Variants in LRRC27 observed in about 807,000 individuals in gnomAD.
The protein encoded by LRRC27 is leucine rich repeat containing 27.
Under a neutral mutation model 55.0 loss-of-function variants are expected in LRRC27, and 57 were observed. That is an observed-to-expected ratio of 1.04 (90% CI 0.84 to 1.29). The LOEUF is 1.29. LRRC27 is among the 50% of genes most tolerant of loss of function. The pLI is 0.00. For synonymous variants in LRRC27, 278 were observed against 251.9 expected (o/e 1.10, Z -0.98); for missense variants, 721 against 651.5 (o/e 1.11, Z -1.16).
intron 2 of LRRC27, among the ~76,000 whole-genome samples, chr10:132,335,612 G>C (rs1350299715): frequency 1.3e-5 from 2 of 151,780 alleles, no homozygotes; most frequent in Non-Finnish European, 2.9e-5. Flanking sequence ...TCGTCTATTG[G>C]TTGTTGGGTA....
intron 10 of LRRC27, among the ~76,000 whole-genome samples, chr10:132,365,919 A>ACTGTG (rs1345208903): frequency 6.6e-6 from 1 of 152,236 alleles, no homozygotes; most frequent in African/African-American, 2.4e-5. Flanking sequence ...AAGAGAACTC[A>ACTGTG]CTGTGCCTCT....
upstream of LRRC27, chr10:132,331,954 G>A: frequency 1.9e-6 from 1 of 514,226 alleles, no homozygotes; most frequent in East Asian, 3.7e-5. Flanking sequence ...CCCCAGCGCA[G>A]GCGCACCACA....
At chr10:132,368,049 C>G (rs767057429) in intron 10 of LRRC27, among the ~76,000 whole-genome samples, 6 of 152,182 alleles carry the variant, frequency 3.9e-5, no homozygotes, top group Non-Finnish European at 8.8e-5. Context: ...CAGTCACCTT[C>G]CTGTGTACCA....
intron 2 of LRRC27, chr10:132,337,070 A>G (rs911651787): frequency 1.5e-6 from 2 of 1,295,510 alleles, no homozygotes; most frequent in East Asian, 3.6e-5. Flanking sequence ...GATCGTAGAG[A>G]ACACCACGGC....
intron 7 of LRRC27, chr10:132,353,148 G>A (rs575929283): frequency 1.2e-4 from 169 of 1,437,724 alleles, no homozygotes; most frequent in Admixed American, 4.8e-4. Context: ...TTTGGCCAGC[G>A]GGGGCCCCCA....
chr10:132,364,559 TTACACCCACGTC>T lies in LRRC27; in HGVS notation c.1290-864_1290-853del, dbSNP rs1297030895. 1.1e-3 allele frequency among the ~76,000 whole-genome samples: 46 copies of T among 41,314 alleles called. 1 individual carries two copies. Among genetic ancestry groups the T allele is most frequent in the African/African-American group, 3.3e-3 (33 of 10,152 alleles). The allele number at this position is 41,314 out of a possible 152,430, so 27.1% of individuals were successfully genotyped here. ...CTTAAATCTACCTCCACACCCACAC[TTACACCCACGTC>T]CACACCCTGGGGCCCCACACTCAGG... On this transcript the variant is annotated intron_variant, in intron 9 of 10. Coordinates refer to ENST00000368614, the MANE Select transcript of LRRC27 (RefSeq NM_030626.3).
upstream of LRRC27, chr10:132,330,368 T>C: frequency 9.9e-6 from 7 of 704,776 alleles, no homozygotes; most frequent in South Asian, 1.0e-4. Context: ...TGCTGAAATC[T>C]TCCATCCCCT....
At chr10:132,345,406 G>A (rs558944483) in intron 5 of LRRC27, among the ~76,000 whole-genome samples, 1 of 152,324 alleles carries the variant, frequency 6.6e-6, no homozygotes, top group East Asian at 1.9e-4. Context: ...ATAACGTGTG[G>A]CCTTGCACTT....
rs781546714 is a variant in LRRC27 at position 132,375,029 on chromosome 10, G to A, written c.1417-37G>A. ...CGTGGTGACGCCCTAAGTCCTGCCA[G>A]CCTTTCTAACATCTCCCCCTCCTTG... On this transcript the variant is annotated intron_variant, in intron 10 of 10. Coordinates refer to ENST00000368614, the MANE Select transcript of LRRC27 (RefSeq NM_030626.3). 15 of 1,584,732 alleles carry A rather than the reference G, an allele frequency of 9.5e-6. No homozygotes were observed. The East Asian group carries it at 2.9e-4, about 31-fold the overall frequency.
chr10:132,358,560 GAGC>G (rs756963672), intron 8 of LRRC27, among the ~76,000 whole-genome samples: 1 of 123,020 alleles, frequency 8.1e-6, no homozygotes, highest in Admixed American at 8.2e-5. Context: ...CGAGGTGGTG[GAGC>G]AGTGTGGGGA....
rs1024260021 is a variant in LRRC27 at position 132,353,322 on chromosome 10, C to T, written c.1073+1569C>T. On this transcript the variant is annotated intron_variant, in intron 7 of 10. Coordinates refer to ENST00000368614, the MANE Select transcript of LRRC27 (RefSeq NM_030626.3). ...GTGGGCGGCTGCAGCCCGGCCCTGA[C>T]TGGCACAGGGCTCTTGCACCGCCCC... The T allele has an allele frequency of 5.2e-6, 6 of 1,143,522 alleles. No homozygotes were observed. The Admixed American group carries it at 2.4e-4, about 46-fold the overall frequency. 70.8% of individuals were successfully genotyped at this position (1,143,522 alleles called of 1,614,324 possible).
intron 9 of LRRC27, among the ~76,000 whole-genome samples, chr10:132,364,150 A>T (rs934820658): frequency 6.6e-6 from 1 of 152,120 alleles, no homozygotes; most frequent in African/African-American, 2.4e-5. Context: ...TCTGTTCTGT[A>T]GAACTCCAGA....
At position 132,379,964 on chromosome 10, in the gene LRRC27, T is replaced by C. The variant is rs919709317; in HGVS notation, c.*4722T>C. 15 of 152,170 alleles carry C rather than the reference T, an allele frequency of 9.9e-5. No homozygotes were observed. The highest frequency in any genetic ancestry group is 3.6e-4 in the African/African-American group (15 of 41,406). 9.4% of individuals were successfully genotyped at this position (152,170 alleles called of 1,614,324 possible). ...ATGAATGCATAAAATATACAGACCATACATGGACCATTCACAGTAGAGAGA... is the reference window on the plus strand; with the variant it reads ...ATGAATGCATAAAATATACAGACCACACATGGACCATTCACAGTAGAGAGA... On this transcript the variant is annotated 3_prime_UTR_variant, in exon 11 of 11. Transcript: ENST00000368614.
At chr10:132,359,438 C>T (rs747383242) in intron 8 of LRRC27, among the ~76,000 whole-genome samples, 3 of 152,218 alleles carry the variant, frequency 2.0e-5, no homozygotes, top group Non-Finnish European at 4.4e-5. Flanking sequence ...GGCAAGCTCC[C>T]AGCTCCCTGC....
intron 10 of LRRC27, chr10:132,366,940 C>G (rs541457424): frequency 3.9e-6 from 5 of 1,284,650 alleles, no homozygotes; most frequent in South Asian, 1.2e-5. Flanking sequence ...TTCTGAGACT[C>G]TTTTCCTCCT....
intron 8 of LRRC27, 115 bp from the exon 9 acceptor site, chr10:132,361,342 C>A: frequency 1.1e-6 from 1 of 882,958 alleles, no homozygotes; most frequent in Non-Finnish European, 1.9e-6. Context: ...CCCGGGGCGG[C>A]CTCGGACCCA....
At chr10:132,354,343 C>G (rs1802067197) in intron 7 of LRRC27, among the ~76,000 whole-genome samples, 1 of 152,224 alleles carries the variant, frequency 6.6e-6, no homozygotes, top group Admixed American at 6.5e-5. Context: ...GCACAGCCCC[C>G]TTCACATCAC....
chr10:132,352,795 G>T (rs1256545241), intron 7 of LRRC27: 4 of 1,454,594 alleles, frequency 2.7e-6, no homozygotes, highest in Non-Finnish European at 3.8e-6. Context: ...GCTCGCGGTC[G>T]CCCCCTTGTG....
chr10:132,354,834 G>T (rs1413499980), intron 7 of LRRC27, among the ~76,000 whole-genome samples: 1 of 152,198 alleles, frequency 6.6e-6, no homozygotes, highest in Admixed American at 6.5e-5. Context: ...GGGCAGGATG[G>T]AGAGGGGGTA....
Sources: allele counts gnomAD v4.1 joint callset (sites outside exome capture counted in the v4.1 genomes callset), GRCh38; gene constraint gnomAD v4.1.1; transcripts MANE v1.5; gene names NCBI Gene and HGNC (gene_info 2026-07-23, HGNC 2026-07-21).